The following HUWE1 variants were observed in gnomAD, a reference collection of about 807,000 sequenced individuals.
HUWE1 encodes the protein HECT, UBA and WWE domain containing E3 ubiquitin protein ligase 1.
A neutral mutation model predicts 299.4 loss-of-function variants in HUWE1; 18 were observed. The ratio of observed to expected loss-of-function variants is 0.06; its 90% confidence interval spans 0.04 to 0.09. The LOEUF is 0.09. HUWE1 is among the 10% of genes least tolerant of loss of function. The pLI, the probability that HUWE1 is intolerant of heterozygous loss-of-function variation, is 1.00. For synonymous variants in HUWE1, 1,317 were observed against 1,286.1 expected (o/e 1.02, Z -0.51); for missense variants, 1,832 against 3,462.3 (o/e 0.53, Z 11.82).
intron 80 of HUWE1, 104 bp from the exon 81 acceptor site, chrX:53,535,605 G>C (rs1194963557): frequency 5.1e-5 from 29 of 565,101 alleles, no homozygotes; most frequent in Non-Finnish European, 7.5e-5. Context: ...TAGGCAGAGA[G>C]ATGAGGCAAG....
chrX:53,586,381 A>C lies in HUWE1; in HGVS notation c.4824+109T>G. On this transcript the variant is annotated intron_variant, in intron 39 of 83. Coordinates refer to ENST00000262854, the MANE Select transcript of HUWE1 (RefSeq NM_031407.7). ...TGAAAATCCCTTAAGAGATTTATAC[A>C]TTGGTCAGAGACTTCTATATTCTTC... The C allele has an allele frequency of 3.8e-6, 2 of 522,353 alleles. 1 individual carries two copies. Among genetic ancestry groups the C allele is most frequent in the South Asian group, 5.4e-5 (2 of 36,717 alleles). 43.0% of individuals were successfully genotyped at this position (522,353 alleles called of 1,213,427 possible). A position where few individuals can be genotyped will look rare whatever the true frequency, so the allele number is the denominator to read the frequency against.
Position 53,584,288 on chromosome X carries a change from G to A in HUWE1, c.5059C>T (p.Arg1687Trp). Residue 1687 changes from arginine to tryptophan, a missense_variant, in exon 41 of 84, where the codon CGG becomes TGG. By Grantham distance (101) the Arg-to-Trp change is moderately radical. Coordinates refer to ENST00000262854, the MANE Select transcript of HUWE1 (RefSeq NM_031407.7). ...PVMLTLLRVP[R>W]LNKNSKNSNG... ...CTGTTTTTTGAATTTTTATTCAGCC[G>A]AGGTACCCTGAGGAGAGTCAGCATC... 1 of 1,204,659 alleles carries A rather than the reference G, an allele frequency of 8.3e-7. No individual in the cohort carries two copies. The highest frequency in any genetic ancestry group is 1.1e-6 in the Non-Finnish European group (1 of 889,787).
At chrX:53,647,873 C>T (rs2068161525) in intron 5 of HUWE1, among the ~76,000 whole-genome samples, 1 of 112,250 alleles carries the variant, frequency 8.9e-6, no homozygotes, top group Non-Finnish European at 1.9e-5. Flanking sequence ...CTATCCTTGC[C>T]AGAATCCATT....
chrX:53,591,854 T>G (rs781813571), intron 33 of HUWE1, among the ~76,000 whole-genome samples: 55 of 111,927 alleles, frequency 4.9e-4, no homozygotes, highest in African/African-American at 1.7e-3. Context: ...TAGACAGATT[T>G]GAACAGGACT....
At chrX:53,615,199 G>T (rs782306980) in intron 22 of HUWE1, among the ~76,000 whole-genome samples, 2 of 110,064 alleles carry the variant, frequency 1.8e-5, no homozygotes, top group African/African-American at 6.6e-5. Context: ...ATTATATACA[G>T]GTTACATTAA....
intron 21 of HUWE1, 66 bp downstream of exon 21, chrX:53,616,904 A>T: frequency 1.1e-6 from 1 of 946,835 alleles, no homozygotes. Context: ...GAGAGAGATG[A>T]TCAAGGAAGA....
At position 53,617,119 on chromosome X, in the gene HUWE1, G is replaced by A. The variant is rs1557008141; in HGVS notation, c.1808C>T (p.Ser603Phe). 1 of 1,210,466 alleles carries A rather than the reference G, an allele frequency of 8.3e-7. No homozygotes were observed. Among genetic ancestry groups the A allele is most frequent in the Non-Finnish European group, 1.1e-6 (1 of 894,750 alleles). Residue 603 changes from serine to phenylalanine, a missense_variant, in exon 21 of 84, where the codon TCC becomes TTC. This residue lies in a region of HUWE1 where 658 missense variants were observed against 1,282.6 expected (regional missense o/e 0.51). Coordinates refer to ENST00000262854, the MANE Select transcript of HUWE1 (RefSeq NM_031407.7). The part of the protein sequence containing the change: ...DVPATREVLG[S>F]LPNVFSALCL... The stretch of plus-strand genomic sequence containing the variant: ...GAGTGCACTGAATACATTTGGGAGG[G>A]AGCCAAGGACTTCACGGGTAGCAGG...
intron 71 of HUWE1, 70 bp downstream of exon 71, chrX:53,544,959 A>C (rs992182706): frequency 5.9e-5 from 66 of 1,126,293 alleles, no homozygotes; most frequent in Non-Finnish European, 7.7e-5. Flanking sequence ...AAAGACCAGG[A>C]AACCAGCAAG....
intron 82 of HUWE1, 55 bp downstream of exon 82, chrX:53,534,458 AACT>A (rs2060914939): frequency 9.4e-6 from 10 of 1,058,359 alleles, no homozygotes; most frequent in Middle Eastern, 6.9e-4. Context: ...GTATCACACA[AACT>A]AGCGTTGCCT....
Position 53,532,582 on chromosome X carries a change from C to A in HUWE1, c.*727G>T, listed in dbSNP as rs1188705147. 1.8e-5 allele frequency: 2 copies of A among 108,606 alleles called. No individual in the cohort carries two copies. The highest frequency in any genetic ancestry group is 6.7e-5 in the African/African-American group (2 of 29,905). The allele number at this position is 108,606 out of a possible 1,213,427, so 9.0% of individuals were successfully genotyped here. A position where few individuals can be genotyped will look rare whatever the true frequency, so the allele number is the denominator to read the frequency against. ...TAAAAAAAAAAAACAGATGCCCCCACCCCCAATTCCTGGTGAACTGCTCAT... is the reference window on the plus strand; with the variant it reads ...TAAAAAAAAAAAACAGATGCCCCCAACCCCAATTCCTGGTGAACTGCTCAT... On this transcript the variant is annotated 3_prime_UTR_variant, in exon 84 of 84. Coordinates refer to ENST00000262854, the MANE Select transcript of HUWE1 (RefSeq NM_031407.7).
chrX:53,535,178 G>A (rs782697811), intron 81 of HUWE1, among the ~76,000 whole-genome samples: 11 of 111,082 alleles, frequency 9.9e-5, no homozygotes, highest in South Asian at 7.6e-4. Flanking sequence ...CAACTGATCC[G>A]CCCACCTTGG....
chrX:53,682,568 C>G lies in HUWE1; in HGVS notation c.-162-2382G>C, dbSNP rs1569517220. On this transcript the variant is annotated intron_variant, in intron 2 of 83. Transcript: ENST00000262854. ...GGGGCAGGACAATCAATGCTGTTTT[C>G]TAGTAAATGGAAGGGGTAAAATGTA... is the stretch of plus-strand genomic sequence containing the variant. Among the ~76,000 whole-genome samples the G allele has an allele frequency of 1.8e-5, 2 of 111,098 alleles. 1 individual carries two copies. Among genetic ancestry groups the G allele is most frequent in the Admixed American group, 1.9e-4 (2 of 10,474 alleles).
At chrX:53,609,576 C>T (rs1458936511) in intron 23 of HUWE1, among the ~76,000 whole-genome samples, 1 of 112,360 alleles carries the variant, frequency 8.9e-6, no homozygotes, top group Non-Finnish European at 1.9e-5. Flanking sequence ...TTCAATATTG[C>T]ACAGCAGATG....
chrX:53,532,417 T>C lies in HUWE1; in HGVS notation c.*892A>G, dbSNP rs1347834215. The C allele has an allele frequency of 9.0e-6, 1 of 111,702 alleles. No individual in the cohort carries two copies. The highest frequency in any genetic ancestry group is 1.9e-5 in the Non-Finnish European group (1 of 53,180). The allele number at this position is 111,702 out of a possible 1,213,427, so 9.2% of individuals were successfully genotyped here. A position where few individuals can be genotyped will look rare whatever the true frequency, so the allele number is the denominator to read the frequency against. ...AAGACTACTAGAAAGGCTCACCAAG[T>C]AAAACCCTCGGTTGGGTCAAGTGAG... On this transcript the variant is annotated 3_prime_UTR_variant, in exon 84 of 84. Transcript: ENST00000262854.
chrX:53,678,629 T>G (rs897122395), intron 3 of HUWE1, among the ~76,000 whole-genome samples: 9 of 111,750 alleles, frequency 8.1e-5, no homozygotes, highest in Non-Finnish European at 1.7e-4. Flanking sequence ...AAGTAGAAGC[T>G]CTCAAAAACT....
intron 73 of HUWE1, chrX:53,543,597 C>A (rs2061438285): frequency 7.2e-6 from 3 of 417,728 alleles, no homozygotes; most frequent in Non-Finnish European, 1.2e-5. Flanking sequence ...TTTGCAAAAG[C>A]GCCACTGTTG....
intron 82 of HUWE1, 110 bp from the exon 83 acceptor site, chrX:53,534,307 C>G (rs2060904166): frequency 2.6e-6 from 2 of 755,911 alleles, no homozygotes; most frequent in African/African-American, 2.0e-5. Flanking sequence ...AGGCAAGTCC[C>G]TTCTGTGGGA....
At chrX:53,535,943 T>C (rs1052936367) in intron 80 of HUWE1, 1 of 296,526 alleles carries the variant, frequency 3.4e-6, no homozygotes, top group Non-Finnish European at 5.9e-6. Flanking sequence ...TTTTTTTTTT[T>C]AATAAAGGTG....
intron 67 of HUWE1, 116 bp from the exon 68 acceptor site, chrX:53,548,389 TG>T (rs1201767579): frequency 2.4e-6 from 2 of 845,436 alleles, no homozygotes; most frequent in Admixed American, 2.6e-5. Context: ...TGGTAAATAT[TG>T]GGGGATATGT....
Sources: gnomAD v4.1 joint callset for allele counts (sites outside exome capture counted in the v4.1 genomes callset) on GRCh38, gnomAD v4.1.1 for gene constraint, gnomAD v4.1.1 regional missense constraint, MANE v1.5 for transcripts, NCBI Gene and HGNC (gene_info 2026-07-23, HGNC 2026-07-21) for gene names.